The following PADI2 variants were observed in gnomAD, a reference collection of about 807,000 sequenced individuals.
PADI2 encodes the protein peptidyl arginine deiminase 2.
A neutral mutation model predicts 81.1 loss-of-function variants in PADI2; 70 were observed. The observed-to-expected ratio is 0.86, with a 90% confidence interval of 0.71 to 1.05. The LOEUF (loss-of-function observed/expected upper bound fraction) is 1.05. Among genes scored for constraint, PADI2 ranks in the 50% least tolerant of loss-of-function variants. PADI2 has a pLI of 0.00. For synonymous variants in PADI2, 338 were observed against 358.0 expected, an observed-to-expected ratio of 0.94 and a Z score of 0.63; for missense variants, 853 against 889.9, an observed-to-expected ratio of 0.96 and a Z score of 0.53.
At chr1:17,110,962 G>A (rs760952457) in intron 1 of PADI2, among the ~76,000 whole-genome samples, 11 of 151,984 alleles carry the variant, frequency 7.2e-5, no homozygotes, top group South Asian at 4.2e-4. Flanking sequence ...TTATATGGTC[G>A]TTCATTCACT....
chr1:17,076,132 TG>T (rs1331263387), intron 11 of PADI2, among the ~76,000 whole-genome samples: 1 of 152,052 alleles, frequency 6.6e-6, no homozygotes, highest in Non-Finnish European at 1.5e-5. Flanking sequence ...CCTGGCCTGC[TG>T]GACGGGGCTA....
At position 17,077,803 on chromosome 1, in the gene PADI2, C is replaced by A. The variant is rs551307596; in HGVS notation, c.1310+1461G>T. ...CAAATCCTGGCTGACCCCATCTGTG[C>A]AGGCTCCTGGCAGCCCTTTTGTGAC... On this transcript the variant is annotated intron_variant, in intron 11 of 15. Transcript: ENST00000375486. Among the ~76,000 whole-genome samples the A allele has an allele frequency of 3.9e-5, 6 of 152,306 alleles. No individual in the cohort carries two copies. In the East Asian group the frequency reaches 1.2e-3, roughly 29 times the overall value.
chr1:17,070,044 C>T (rs778140867), intron 15 of PADI2, 44 bp downstream of exon 15: 70 of 1,595,096 alleles, frequency 4.4e-5, no homozygotes, highest in Non-Finnish European at 5.9e-5. Flanking sequence ...ATCTGGCTGC[C>T]CTGTACTGGC....
intron 1 of PADI2, among the ~76,000 whole-genome samples, chr1:17,113,160 A>G (rs1160954806): frequency 2.6e-5 from 4 of 152,204 alleles, no homozygotes; most frequent in Non-Finnish European, 5.9e-5. Context: ...CATAAGTGCT[A>G]TGAAGTCTTT....
chr1:17,100,406 T>G (rs1931100941), intron 3 of PADI2, among the ~76,000 whole-genome samples: 1 of 152,070 alleles, frequency 6.6e-6, no homozygotes, highest in African/African-American at 2.4e-5. Context: ...TGCCTCAGCC[T>G]CCTGAGTAGC....
intron 14 of PADI2, among the ~76,000 whole-genome samples, chr1:17,070,815 C>T (rs374477228): frequency 1.3e-5 from 2 of 152,132 alleles, no homozygotes; most frequent in Non-Finnish European, 2.9e-5. Flanking sequence ...GCGCCTGCCA[C>T]CACGCCAGGC....
At chr1:17,106,751 C>T (rs1420257845) in intron 1 of PADI2, among the ~76,000 whole-genome samples, 2 of 151,900 alleles carry the variant, frequency 1.3e-5, no homozygotes, top group Non-Finnish European at 2.9e-5. Flanking sequence ...GGGCAGGCTT[C>T]TAATCAAATA....
chr1:17,086,624 C>G lies in PADI2; in HGVS notation c.731G>C (p.Gly244Ala), dbSNP rs777252074. 2 of 1,614,048 alleles carry G rather than the reference C, an allele frequency of 1.2e-6. No individual in the cohort carries two copies. Among genetic ancestry groups the G allele is most frequent in the South Asian group, 2.2e-5 (2 of 91,078 alleles). The change falls in exon 7 of 16, where the codon GGC (glycine) becomes GCC (alanine). Residue 244 changes from glycine to alanine, a missense_variant. Coordinates refer to ENST00000375486, the MANE Select transcript of PADI2 (RefSeq NM_007365.3). ...KLYHVVKYTG[G>A]SAELLFFVEG... Reference sequence around the variant, plus strand: ...CACGAAGAACAGCAGCTCCGCGGAGCCACCCGTGTACTTGACCACATGGTA... The same window carrying G: ...CACGAAGAACAGCAGCTCCGCGGAGGCACCCGTGTACTTGACCACATGGTA...
rs1931870256 is a variant in PADI2, at chr1:17,119,434, C to A, written c.-63G>T. ...CGGCCGGGAGCACCTGCAGCAGGTG[C>A]GCCTTCTCCAGCAGCCTGCGCCCCA... On this transcript the variant is annotated 5_prime_UTR_variant, in exon 1 of 16. Coordinates refer to ENST00000375486, the MANE Select transcript of PADI2 (RefSeq NM_007365.3). The surrounding 1 kb of genome is among the most constrained non-coding windows in gnomAD (Gnocchi z 4.8). 4 of 1,280,018 alleles carry A rather than the reference C, an allele frequency of 3.1e-6. No homozygotes were observed. The South Asian group carries it at 4.2e-5, about 13-fold the overall frequency. The allele number at this position is 1,280,018 out of a possible 1,614,324, so 79.3% of individuals were successfully genotyped here.
intron 11 of PADI2, among the ~76,000 whole-genome samples, chr1:17,078,032 G>A (rs186541995): frequency 2.3e-3 from 352 of 152,228 alleles, no homozygotes; most frequent in African/African-American, 6.2e-3. Flanking sequence ...TCATTGGTAC[G>A]CTCCCACTCA....
In PADI2 at chr1:17,085,941, C is replaced by T. The variant is rs569830586; in HGVS notation, c.834+580G>A. Among the ~76,000 whole-genome samples, 12 of 152,320 alleles carry T rather than the reference C, an allele frequency of 7.9e-5. No homozygotes were observed. The East Asian group carries it at 1.2e-3, about 15-fold the overall frequency. Reference sequence around the variant, plus strand: ...GATAGAGATTCTTGTGAGCACAGCACGCCCTCAGTGATGGGGGCTTCTCTA... The same window carrying T: ...GATAGAGATTCTTGTGAGCACAGCATGCCCTCAGTGATGGGGGCTTCTCTA... On this transcript the variant is annotated intron_variant, in intron 7 of 15. Transcript: ENST00000375486.
At position 17,119,131 on chromosome 1, in the gene PADI2, G is replaced by T; in HGVS notation, c.92+149C>A. 1 of 577,202 alleles carries T rather than the reference G, an allele frequency of 1.7e-6. No individual in the cohort carries two copies. Among genetic ancestry groups the T allele is most frequent in the Non-Finnish European group, 3.0e-6 (1 of 329,534 alleles). The allele number at this position is 577,202 out of a possible 1,614,324, so 35.8% of individuals were successfully genotyped here. ...AGGTTCGGGGGTTGTCAGGTTTCTG[G>T]ATGAGATTCTTAGGATTTCTGGGCT... On this transcript the variant is annotated intron_variant, in intron 1 of 15. Transcript: ENST00000375486. The surrounding 1 kb of genome is among the most constrained non-coding windows in gnomAD (Gnocchi z 4.8).
chr1:17,104,431 C>CTTTTTTTTTTTTTTTTTTTTTTTTT (rs1217484961), intron 2 of PADI2, among the ~76,000 whole-genome samples: 1 of 79,790 alleles, frequency 1.3e-5, no homozygotes, highest in African/African-American at 4.9e-5. Context: ...TTTGCCTTTT[C>CTTTTTTTTTTTTTTTTTTTTTTTTT]TTTTTTTTTT....
At chr1:17,108,265 G>A (rs1931457091) in intron 1 of PADI2, among the ~76,000 whole-genome samples, 1 of 152,092 alleles carries the variant, frequency 6.6e-6, no homozygotes, top group Non-Finnish European at 1.5e-5. Context: ...ATCATTAAGA[G>A]GGGCACAGAG....
chr1:17,102,181 A>G (rs1305972706), intron 3 of PADI2, among the ~76,000 whole-genome samples: 1 of 152,256 alleles, frequency 6.6e-6, no homozygotes, highest in African/African-American at 2.4e-5. Flanking sequence ...TTGGATGAAC[A>G]AAATGACCCT....
At chr1:17,104,784 C>A in intron 2 of PADI2, 94 bp downstream of exon 2, 3 of 1,095,438 alleles carry the variant, frequency 2.7e-6, no homozygotes, top group Non-Finnish European at 3.8e-6. Flanking sequence ...GACACATGGC[C>A]CACGTGCAGT....
rs1553182382 is a variant in PADI2, at chr1:17,088,925, A to AAAAAAACAAAAAAC, written c.656-2227_656-2226insGTTTTTTGTTTTTT. 5.3e-4 allele frequency among the ~76,000 whole-genome samples: 44 copies of AAAAAAACAAAAAAC among 83,384 alleles called. 1 individual carries two copies. Among genetic ancestry groups the AAAAAAACAAAAAAC allele is most frequent in the East Asian group, 5.6e-4 (2 of 3,598 alleles). 54.7% of individuals were successfully genotyped at this position (83,384 alleles called of 152,430 possible). A position where few individuals can be genotyped will look rare whatever the true frequency, so the allele number is the denominator to read the frequency against. On this transcript the variant is annotated intron_variant, in intron 6 of 15. Transcript: ENST00000375486. ...CCATCTCAAAAAAAAAAAAAAAAAA[A>AAAAAAACAAAAAAC]AAAAAACCAAGCCTCAGAGAATTCA... is the stretch of plus-strand genomic sequence containing the variant.
rs1053422428 is a variant in PADI2 at position 17,068,275 on chromosome 1, T to G, written c.*769A>C. On this transcript the variant is annotated 3_prime_UTR_variant, in exon 16 of 16. Transcript: ENST00000375486. ...ATGGATATGGCTGACCAGGGGCATC[T>G]TTACGCATTGAACTCTCAGGTCACA... The G allele has an allele frequency of 5.2e-5, 8 of 152,718 alleles. No homozygotes were observed. Among genetic ancestry groups the G allele is most frequent in the Non-Finnish European group, 1.2e-4 (8 of 68,098 alleles). The allele number at this position is 152,718 out of a possible 1,614,324, so 9.5% of individuals were successfully genotyped here. A position where few individuals can be genotyped will look rare whatever the true frequency, so the allele number is the denominator to read the frequency against.
intron 5 of PADI2, among the ~76,000 whole-genome samples, chr1:17,093,101 C>CTT (rs1189627036): frequency 6.7e-6 from 1 of 150,184 alleles, no homozygotes; most frequent in Non-Finnish European, 1.5e-5. Flanking sequence ...TCTTCTTCTT[C>CTT]TTTTTTTTTC....
Sources: allele counts gnomAD v4.1 joint callset (sites outside exome capture counted in the v4.1 genomes callset), GRCh38; gene constraint gnomAD v4.1.1; non-coding constraint Gnocchi (gnomAD v3.1); transcripts MANE v1.5; gene names NCBI Gene and HGNC (gene_info 2026-07-23, HGNC 2026-07-21).